MAP2K6: variants seen among roughly 807,000 people sequenced by gnomAD.
MAP2K6 encodes mitogen-activated protein kinase kinase 6.
A neutral mutation model predicts 53.7 loss-of-function variants in MAP2K6; 16 were observed. The observed-to-expected ratio is 0.30, with a 90% CI of 0.20 to 0.45. The LOEUF (loss-of-function observed/expected upper bound fraction) is 0.45, where lower values mean the gene tolerates loss of function less well. Among genes scored for constraint, MAP2K6 ranks in the 20% least tolerant of loss-of-function variants. MAP2K6 has a pLI of 1.00. For synonymous variants in MAP2K6, 132 were observed against 143.1 expected, an observed-to-expected ratio of 0.92 and a Z score of 0.55; for missense variants, 204 against 411.9, an observed-to-expected ratio of 0.50 and a Z score of 4.37.
intron 1 of MAP2K6, among the ~76,000 whole-genome samples, chr17:69,458,155 G>A (rs1030195509): frequency 2.0e-5 from 3 of 152,250 alleles, no homozygotes; most frequent in South Asian, 2.1e-4. Context: ...CTGGGTTCCA[G>A]TGATCCTCGT....
chr17:69,496,046 C>A (rs373627088), intron 1 of MAP2K6, among the ~76,000 whole-genome samples: 6 of 151,580 alleles, frequency 4.0e-5, no homozygotes, highest in African/African-American at 1.5e-4. Flanking sequence ...TAGTCAACAC[C>A]AAATTGTTAA....
At chr17:69,433,634 T>C (rs1341411374) in intron 1 of MAP2K6, 1 of 152,228 alleles carries the variant, frequency 6.6e-6, no homozygotes, top group Non-Finnish European at 1.5e-5. Context: ...ATTCCTACTT[T>C]CTAGAAACTC....
chr17:69,460,490 A>G (rs1244019143), intron 1 of MAP2K6, among the ~76,000 whole-genome samples: 1 of 152,220 alleles, frequency 6.6e-6, no homozygotes, highest in Non-Finnish European at 1.5e-5. Context: ...AAGTAGCATG[A>G]ACATATGTCT....
intron 1 of MAP2K6, among the ~76,000 whole-genome samples, chr17:69,421,821 G>C (rs1906092336): frequency 6.6e-6 from 1 of 151,992 alleles, no homozygotes; most frequent in South Asian, 2.1e-4. Flanking sequence ...GGGATTACAG[G>C]TGTGAGCCAC....
At chr17:69,431,985 G>A (rs926276788) in intron 1 of MAP2K6, among the ~76,000 whole-genome samples, 2 of 152,212 alleles carry the variant, frequency 1.3e-5, no homozygotes, top group African/African-American at 4.8e-5. Flanking sequence ...TCACCCCTGT[G>A]CATATGAGGC....
chr17:69,445,081 C>T (rs1032125771), intron 1 of MAP2K6, among the ~76,000 whole-genome samples: 6 of 152,058 alleles, frequency 3.9e-5, no homozygotes, highest in South Asian at 2.1e-4. Flanking sequence ...CCACCAGGCC[C>T]GGCTAATTTT....
At chr17:69,496,365 G>A (rs751044042) in intron 1 of MAP2K6, among the ~76,000 whole-genome samples, 26 of 149,920 alleles carry the variant, frequency 1.7e-4, no homozygotes, top group African/African-American at 5.9e-4. Context: ...TCTGCCTCCC[G>A]GGTTCCAGCG....
At chr17:69,491,356 C>G (rs371881066) in intron 1 of MAP2K6, among the ~76,000 whole-genome samples, 111 of 152,246 alleles carry the variant, frequency 7.3e-4, no homozygotes, top group Non-Finnish European at 1.3e-3. Flanking sequence ...GTTGGCCAGG[C>G]TGGTCTTGAA....
intron 2 of MAP2K6, among the ~76,000 whole-genome samples, chr17:69,507,886 G>C (rs1261499510): frequency 6.6e-6 from 1 of 152,048 alleles, no homozygotes; most frequent in Non-Finnish European, 1.5e-5. Flanking sequence ...CTTTAGTTTT[G>C]AAAGAACTGC....
chr17:69,498,064 T>C, intron 1 of MAP2K6, among the ~76,000 whole-genome samples: 1 of 152,022 alleles, frequency 6.6e-6, no homozygotes, highest in Non-Finnish European at 1.5e-5. Flanking sequence ...TATCTCCTGA[T>C]GCTTCGATGG....
intron 8 of MAP2K6, among the ~76,000 whole-genome samples, chr17:69,523,935 C>T (rs943866300): frequency 6.6e-6 from 1 of 152,136 alleles, no homozygotes; most frequent in African/African-American, 2.4e-5. Flanking sequence ...GATGAAGGCA[C>T]CAGAAGATTT....
chr17:69,478,125 A>G (rs568011631), intron 1 of MAP2K6, among the ~76,000 whole-genome samples: 1 of 152,334 alleles, frequency 6.6e-6, no homozygotes, highest in South Asian at 2.1e-4. Flanking sequence ...AGGAGTGGAC[A>G]CAGAAGACAG....
intron 1 of MAP2K6, among the ~76,000 whole-genome samples, chr17:69,460,562 C>T (rs1410376626): frequency 3.3e-5 from 5 of 152,078 alleles, no homozygotes; most frequent in Non-Finnish European, 5.9e-5. Context: ...AGTAAGAAAA[C>T]CAGTGCAAAA....
At chr17:69,512,963 G>A (rs1037571514) in intron 2 of MAP2K6, among the ~76,000 whole-genome samples, 5 of 152,092 alleles carry the variant, frequency 3.3e-5, no homozygotes, top group Non-Finnish European at 7.3e-5. Context: ...TGAATACTAG[G>A]TGACCTTTGG....
intron 1 of MAP2K6, among the ~76,000 whole-genome samples, chr17:69,460,608 T>TTTG (rs922088425): frequency 1.3e-5 from 2 of 152,108 alleles, no homozygotes; most frequent in South Asian, 4.2e-4. Flanking sequence ...GGCACAGTAT[T>TTTG]TTGTTGTTGT....
At position 69,517,575 on chromosome 17, in the gene MAP2K6, A is replaced by G. The variant is rs1910221363; in HGVS notation, c.208A>G (p.Met70Val). Residue 70 changes from methionine (M) to valine (V), a missense_variant, in exon 4 of 12, where the codon ATG becomes GTG. By Grantham distance (21) the Met-to-Val change is conservative. Around this residue, in one of 3 missense-constraint regions of MAP2K6, gnomAD observed 129 missense variants for 247.1 expected, o/e 0.52. Coordinates refer to ENST00000590474, the MANE Select transcript of MAP2K6 (RefSeq NM_002758.4). ...AGGTGCGTACGGGGTGGTGGAGAAG[A>G]TGCGGCACGTGCCCAGCGGGCAGAT... ...GRGAYGVVEK[M>V]RHVPSGQIMA... 1 of 1,609,222 alleles carries G rather than the reference A, an allele frequency of 6.2e-7. No individual in the cohort carries two copies. The highest frequency in any genetic ancestry group is 1.1e-5 in the South Asian group (1 of 90,554).
chr17:69,528,967 T>A (rs2144843299), intron 10 of MAP2K6, among the ~76,000 whole-genome samples: 1 of 151,722 alleles, frequency 6.6e-6, no homozygotes, highest in Non-Finnish European at 1.5e-5. Flanking sequence ...TAGCTAAGTC[T>A]CTTCAAATTA....
intron 1 of MAP2K6, chr17:69,485,121 T>C (rs1908483308): frequency 6.6e-6 from 1 of 152,206 alleles, no homozygotes; most frequent in South Asian, 2.1e-4. Context: ...AATAAAGGTA[T>C]TTTAATAAGA....
chr17:69,423,700 A>ACCCGTCTCCTTTTG (rs1906171284), intron 1 of MAP2K6, among the ~76,000 whole-genome samples: 1 of 152,056 alleles, frequency 6.6e-6, no homozygotes, highest in Non-Finnish European at 1.5e-5. Flanking sequence ...GAACTAAGTT[A>ACCCGTCTCCTTTTG]CCCGTCTCCT....
Sources: gnomAD v4.1 joint callset for allele counts (sites outside exome capture counted in the v4.1 genomes callset) on GRCh38, gnomAD v4.1.1 for gene constraint, gnomAD v4.1.1 regional missense constraint, MANE v1.5 for transcripts, NCBI Gene and HGNC (gene_info 2026-07-23, HGNC 2026-07-21) for gene names.